SORCS1: variants seen among roughly 807,000 people sequenced by gnomAD.
SORCS1 encodes VPS10 domain-containing receptor SorCS1.
Under a neutral mutation model 146.1 loss-of-function variants are expected in SORCS1, and 60 were observed. That is an observed-to-expected ratio of 0.41 (90% CI 0.33 to 0.51). The LOEUF (loss-of-function observed/expected upper bound fraction) is 0.51, where lower values mean the gene tolerates loss of function less well. Ranked by LOEUF, SORCS1 falls within the 20% of genes least tolerant of loss-of-function variation. The pLI, the probability that SORCS1 is intolerant of heterozygous loss-of-function variation, is 0.21. For synonymous variants in SORCS1, 637 were observed against 584.0 expected, an observed-to-expected ratio of 1.09 and a Z score of -1.31; for missense variants, 1,352 against 1,487.6, an observed-to-expected ratio of 0.91 and a Z score of 1.50.
intron 2 of SORCS1, among the ~76,000 whole-genome samples, chr10:106,890,957 G>C (rs1445802693): frequency 6.6e-6 from 1 of 152,134 alleles, no homozygotes; most frequent in Non-Finnish European, 1.5e-5. Flanking sequence ...AGCAAAAAGA[G>C]CAGCAAACAA....
intron 2 of SORCS1, among the ~76,000 whole-genome samples, chr10:106,921,180 C>G (rs2138404456): frequency 6.6e-6 from 1 of 152,250 alleles, no homozygotes; most frequent in East Asian, 1.9e-4. Flanking sequence ...TGGAGAGATA[C>G]AGGTAAAGCT....
intron 17 of SORCS1, among the ~76,000 whole-genome samples, chr10:106,661,894 T>G (rs947618222): frequency 6.6e-6 from 1 of 152,200 alleles, no homozygotes; most frequent in African/African-American, 2.4e-5. Flanking sequence ...TCAAATGACA[T>G]GTAGAAGCTG....
intron 1 of SORCS1, among the ~76,000 whole-genome samples, chr10:107,098,506 T>A (rs1486897976): frequency 6.6e-6 from 1 of 152,202 alleles, no homozygotes; most frequent in African/African-American, 2.4e-5. Context: ...CCATAAAAGA[T>A]CTGGTGAGTG....
chr10:106,816,771 C>T (rs1190137781), intron 3 of SORCS1, among the ~76,000 whole-genome samples: 7 of 152,014 alleles, frequency 4.6e-5, no homozygotes, highest in Non-Finnish European at 7.4e-5. Context: ...AATAATAAAA[C>T]GAAGACTAAA....
At chr10:106,813,058 C>G (rs1388272231) in intron 3 of SORCS1, among the ~76,000 whole-genome samples, 1 of 152,096 alleles carries the variant, frequency 6.6e-6, no homozygotes, top group African/African-American at 2.4e-5. Flanking sequence ...ACTGTATTGT[C>G]CCTCATGACA....
At chr10:106,588,664 A>G (rs1205230798) in intron 24 of SORCS1, among the ~76,000 whole-genome samples, 2 of 151,944 alleles carry the variant, frequency 1.3e-5, no homozygotes, top group Non-Finnish European at 1.5e-5. Flanking sequence ...GATCGAGACC[A>G]TCCTGGCCAA....
intron 1 of SORCS1, among the ~76,000 whole-genome samples, chr10:107,153,639 C>T (rs1009203548): frequency 6.6e-5 from 10 of 152,216 alleles, no homozygotes; most frequent in African/African-American, 2.4e-4. Flanking sequence ...GGACAGCAGA[C>T]TGTCTCCCAA....
intron 2 of SORCS1, among the ~76,000 whole-genome samples, chr10:106,931,702 G>A (rs1953428116): frequency 6.6e-6 from 1 of 152,168 alleles, no homozygotes; most frequent in Non-Finnish European, 1.5e-5. Flanking sequence ...ACAGGGATAA[G>A]TCCTTTTTTT....
At chr10:106,974,909 T>G (rs1955929888) in intron 1 of SORCS1, among the ~76,000 whole-genome samples, 1 of 152,334 alleles carries the variant, frequency 6.6e-6, no homozygotes, top group East Asian at 1.9e-4. Context: ...AAAATGTCTC[T>G]ACTTTTTAAA....
chr10:107,083,424 T>C (rs186557594), intron 1 of SORCS1, among the ~76,000 whole-genome samples: 220 of 152,318 alleles, frequency 1.4e-3, no homozygotes, highest in Non-Finnish European at 6.3e-4. Context: ...TTATTGTCTG[T>C]TTGTATTGTT....
chr10:106,861,616 G>A (rs2137438447), intron 2 of SORCS1, among the ~76,000 whole-genome samples: 1 of 152,220 alleles, frequency 6.6e-6, no homozygotes, highest in Admixed American at 6.6e-5. Context: ...AATTGGCCGG[G>A]CGCAGTCCCT....
intron 18 of SORCS1, among the ~76,000 whole-genome samples, chr10:106,647,061 A>G (rs868666573): frequency 1.2e-4 from 18 of 144,090 alleles, no homozygotes; most frequent in African/African-American, 4.3e-4. Context: ...CAGTCATCCA[A>G]ATTTGTGAGT....
At chr10:106,683,657 CT>C (rs1852605376) in intron 10 of SORCS1, among the ~76,000 whole-genome samples, 1 of 152,184 alleles carries the variant, frequency 6.6e-6, no homozygotes, top group Non-Finnish European at 1.5e-5. Context: ...TATCAACTGC[CT>C]TTAGATGCTA....
intron 24 of SORCS1, among the ~76,000 whole-genome samples, chr10:106,596,467 TATC>T (rs1845910059): frequency 1.3e-5 from 2 of 152,242 alleles, no homozygotes; most frequent in Non-Finnish European, 2.9e-5. Context: ...CTACTTGTGT[TATC>T]ATCTATTCTA....
chr10:107,173,950 A>G, the SORCS1 span, among the ~76,000 whole-genome samples: 1 of 152,206 alleles, frequency 6.6e-6, no homozygotes, highest in Non-Finnish European at 1.5e-5. Flanking sequence ...GAACATCATA[A>G]TACATCATAA....
intron 5 of SORCS1, among the ~76,000 whole-genome samples, chr10:106,747,815 C>A (rs1203729731): frequency 6.6e-6 from 1 of 152,062 alleles, no homozygotes; most frequent in Admixed American, 6.6e-5. Flanking sequence ...ATGATCCCAG[C>A]CCAAAGAAAT....
chr10:106,739,890 G>T (rs1857241672), intron 5 of SORCS1, among the ~76,000 whole-genome samples: 1 of 150,702 alleles, frequency 6.6e-6, no homozygotes, highest in Non-Finnish European at 1.5e-5. Flanking sequence ...GGCAGAGCTT[G>T]CAATGAGCTG....
At chr10:106,776,422 T>G in intron 4 of SORCS1, 112 bp downstream of exon 4, 1 of 1,371,710 alleles carries the variant, frequency 7.3e-7, no homozygotes, top group Non-Finnish European at 1.0e-6. Context: ...GAGGTCAGGC[T>G]ACTGCTCAGA....
chr10:107,143,091 A>C (rs927453930), intron 1 of SORCS1, among the ~76,000 whole-genome samples: 2 of 152,208 alleles, frequency 1.3e-5, no homozygotes, highest in Admixed American at 6.5e-5. Context: ...TATCTTGAGA[A>C]AGTAGGTGTA....
Sources: gnomAD v4.1 joint callset for allele counts (sites outside exome capture counted in the v4.1 genomes callset) on GRCh38, gnomAD v4.1.1 for gene constraint, MANE v1.5 for transcripts, NCBI Gene and HGNC (gene_info 2026-07-23, HGNC 2026-07-21) for gene names.